The following PRMT8 variants were observed in gnomAD, a reference collection of about 807,000 sequenced individuals.
The protein encoded by PRMT8 is protein arginine N-methyltransferase 8.
A neutral mutation model predicts 47.1 loss-of-function variants in PRMT8; 7 were observed. The observed-to-expected ratio is 0.15, with a 90% CI of 0.08 to 0.28. The LOEUF (loss-of-function observed/expected upper bound fraction) is 0.28, where lower values mean the gene tolerates loss of function less well. PRMT8 is among the 10% of genes least tolerant of loss of function. The probability of loss-of-function intolerance (pLI) is 1.00; values close to 1 mark genes in which losing one functional copy is unlikely to be tolerated. For synonymous variants in PRMT8, 188 were observed against 186.5 expected (o/e 1.01, Z -0.07); for missense variants, 237 against 505.4 (o/e 0.47, Z 5.09).
chr12:3,448,285 G>A (rs149600173), intron 1 of PRMT8, among the ~76,000 whole-genome samples: 275 of 152,278 alleles, frequency 1.8e-3, no homozygotes, highest in African/African-American at 6.4e-3. Flanking sequence ...AATTACAGGC[G>A]TGAGCCACCA....
At chr12:3,475,726 C>A (rs11062668) in intron 1 of PRMT8, among the ~76,000 whole-genome samples, 108,753 of 150,424 alleles carry the variant, frequency 0.72, 39,796 homozygotes, top group Middle Eastern at 0.84. Context: ...GCAGGGCCTC[C>A]CTTCCAGTAC....
intron 1 of PRMT8, chr12:3,469,150 G>C: frequency 2.0e-6 from 1 of 497,862 alleles, no homozygotes; most frequent in South Asian, 1.5e-5. Context: ...TTCCCAAGCT[G>C]TAAGTGAAGC....
At chr12:3,425,504 G>T (rs1864594588) in intron 1 of PRMT8, among the ~76,000 whole-genome samples, 1 of 152,230 alleles carries the variant, frequency 6.6e-6, no homozygotes, top group African/African-American at 2.4e-5. Context: ...TGTCAGGTCA[G>T]GTAGCCCCAG....
At chr12:3,558,248 C>T (rs922404183) in intron 4 of PRMT8, among the ~76,000 whole-genome samples, 9 of 152,056 alleles carry the variant, frequency 5.9e-5, no homozygotes, top group African/African-American at 2.2e-4. Flanking sequence ...CCCTTCCTCC[C>T]CTTCCTTCTC....
chr12:3,423,185 A>G (rs937398236), intron 1 of PRMT8, among the ~76,000 whole-genome samples: 2 of 152,230 alleles, frequency 1.3e-5, no homozygotes, highest in Non-Finnish European at 2.9e-5. Context: ...TATGTCTTCA[A>G]CTACTTGCCC....
intron 2 of PRMT8, among the ~76,000 whole-genome samples, chr12:3,545,455 C>T (rs1162012710): frequency 1.3e-5 from 2 of 152,206 alleles, no homozygotes; most frequent in Admixed American, 1.3e-4. Context: ...TGAACTGAAT[C>T]CAACCAAACC....
chr12:3,496,216 T>TATATATA (rs34970187), intron 1 of PRMT8, among the ~76,000 whole-genome samples: 28 of 19,962 alleles, frequency 1.4e-3, no homozygotes, highest in Middle Eastern at 0.025. Flanking sequence ...ATATATATAT[T>TATATATA]TTTTTTTTTT....
At chr12:3,584,077 G>A (rs1867122493) in intron 8 of PRMT8, among the ~76,000 whole-genome samples, 1 of 152,214 alleles carries the variant, frequency 6.6e-6, no homozygotes, top group South Asian at 2.1e-4. Context: ...AAAATACCCA[G>A]GCTTGGGGGC....
At chr12:3,419,777 A>G (rs1864520145) in intron 1 of PRMT8, among the ~76,000 whole-genome samples, 1 of 151,696 alleles carries the variant, frequency 6.6e-6, no homozygotes, top group Non-Finnish European at 1.5e-5. Flanking sequence ...CTCGAGTTAA[A>G]TGAAGCCCAG....
chr12:3,384,468 T>C (rs1307281447), intron 1 of PRMT8, among the ~76,000 whole-genome samples: 1 of 152,164 alleles, frequency 6.6e-6, no homozygotes, highest in Non-Finnish European at 1.5e-5. Context: ...TTAAAAGAAA[T>C]GTATTTTTTT....
intron 1 of PRMT8, among the ~76,000 whole-genome samples, chr12:3,420,442 C>A (rs150254294): frequency 2.0e-5 from 3 of 152,266 alleles, no homozygotes; most frequent in Admixed American, 6.5e-5. Flanking sequence ...ATATTGGGGA[C>A]CCCCTTTGTA....
intron 4 of PRMT8, among the ~76,000 whole-genome samples, chr12:3,556,164 G>A (rs994323086): frequency 1.3e-5 from 2 of 152,040 alleles, no homozygotes; most frequent in Admixed American, 6.5e-5. Context: ...GGATACGTGC[G>A]TCCAGAATTT....
At chr12:3,403,385 G>A (rs1306430856) in intron 1 of PRMT8, among the ~76,000 whole-genome samples, 2 of 151,816 alleles carry the variant, frequency 1.3e-5, no homozygotes, top group Admixed American at 1.3e-4. Flanking sequence ...TTAGGTGACA[G>A]GATGATCTGT....
chr12:3,521,853 G>A lies in PRMT8; in HGVS notation c.76-18753G>A, dbSNP rs920055486. Among the ~76,000 whole-genome samples the A allele has an allele frequency of 9.9e-5, 15 of 152,196 alleles. 1 individual carries two copies. The highest frequency in any genetic ancestry group is 3.9e-4 in the Admixed American group (6 of 15,280). ...TCCCAACTGCCACTGCCCTGAATGC[G>A]GTCAAAATAATCTTAAAACAAATTA... is the stretch of plus-strand genomic sequence containing the variant. On this transcript the variant is annotated intron_variant, in intron 1 of 9. Transcript: ENST00000382622.
chr12:3,424,112 T>C (rs1247426762), intron 1 of PRMT8, among the ~76,000 whole-genome samples: 1 of 152,240 alleles, frequency 6.6e-6, no homozygotes, highest in African/African-American at 2.4e-5. Context: ...TTTCTGGTAC[T>C]GGCACATTTA....
chr12:3,485,727 C>T (rs904217236), intron 1 of PRMT8, among the ~76,000 whole-genome samples: 1 of 151,962 alleles, frequency 6.6e-6, no homozygotes, highest in African/African-American at 2.4e-5. Flanking sequence ...CAGCATACAC[C>T]AACAGCACAC....
In PRMT8 at chr12:3,491,526, T is replaced by C. The variant is rs1195501102; in HGVS notation, c.-100T>C. 1 of 912,168 alleles carries C rather than the reference T, an allele frequency of 1.1e-6. No homozygotes were observed. The highest frequency in any genetic ancestry group is 1.4e-6 in the Non-Finnish European group (1 of 698,166). The allele number at this position is 912,168 out of a possible 1,614,324, so 56.5% of individuals were successfully genotyped here. A position where few individuals can be genotyped will look rare whatever the true frequency, so the allele number is the denominator to read the frequency against. ...GCTCCAGCTGAGGGGCTGGGTTGGA[T>C]TTTTTTTTTTCTCCCATCCTCTCGC... On this transcript the variant is annotated 5_prime_UTR_variant, in exon 1 of 10. Transcript: ENST00000382622.
intron 1 of PRMT8, among the ~76,000 whole-genome samples, chr12:3,518,835 G>A (rs731577): frequency 0.84 from 127,599 of 152,198 alleles, 54,868 homozygotes; most frequent in Non-Finnish European, 0.93. Flanking sequence ...AATACTCAGG[G>A]TTAAATCCAG....
Position 3,593,092 on chromosome 12 carries a change from C to G in PRMT8, c.1102-7C>G. On this transcript the variant is annotated splice_region_variant and splice_polypyrimidine_tract_variant and intron_variant, in intron 9 of 9. Coordinates refer to ENST00000382622, the MANE Select transcript of PRMT8 (RefSeq NM_019854.5). This position sits in a 1 kb window ranked among gnomAD's most constrained non-coding sequence, Gnocchi z 4.8. ...GCCTGACCCTTCGCTCTCTCTCTGC[C>G]TTGCAGCGAGACCTCGATTTCACAG... is the stretch of plus-strand genomic sequence containing the variant. 1.2e-6 allele frequency: 2 copies of G among 1,612,446 alleles called. No individual in the cohort carries two copies. The highest frequency in any genetic ancestry group is 1.7e-6 in the Non-Finnish European group (2 of 1,178,504).
Sources: allele counts gnomAD v4.1 joint callset (sites outside exome capture counted in the v4.1 genomes callset), GRCh38; gene constraint gnomAD v4.1.1; non-coding constraint Gnocchi (gnomAD v3.1); transcripts MANE v1.5; gene names NCBI Gene and HGNC (gene_info 2026-07-23, HGNC 2026-07-21).